The following ATP6V0D2 variants were observed in gnomAD, a reference collection of about 807,000 sequenced individuals.
The protein encoded by ATP6V0D2 is V-type proton ATPase subunit d 2.
Under a neutral mutation model 40.0 loss-of-function variants are expected in ATP6V0D2, and 40 were observed. That is an observed-to-expected ratio of 1.00 (90% CI 0.78 to 1.30). The LOEUF (loss-of-function observed/expected upper bound fraction) is 1.30, where lower values mean the gene tolerates loss of function less well. Among genes scored for constraint, ATP6V0D2 ranks in the 50% most tolerant of loss-of-function variants. ATP6V0D2 has a pLI of 0.00. For missense variants in ATP6V0D2, 470 were observed against 423.1 expected (o/e 1.11, Z -0.97); for synonymous variants, 179 against 156.3 (o/e 1.15, Z -1.08).
At chr8:86,111,599 C>T (rs972154820) in intron 1 of ATP6V0D2, among the ~76,000 whole-genome samples, 4 of 152,102 alleles carry the variant, frequency 2.6e-5, no homozygotes, top group Admixed American at 6.6e-5. Flanking sequence ...TGGATATATA[C>T]CCAGTAGTGA....
chr8:86,121,759 C>T (rs1376303614), intron 2 of ATP6V0D2, among the ~76,000 whole-genome samples: 9 of 152,172 alleles, frequency 5.9e-5, no homozygotes, highest in Non-Finnish European at 1.3e-4. Flanking sequence ...TCGAGGGTCT[C>T]TCTAGCACCC....
chr8:86,104,753 T>A (rs1336685185), intron 1 of ATP6V0D2, among the ~76,000 whole-genome samples: 1 of 152,044 alleles, frequency 6.6e-6, no homozygotes, highest in Non-Finnish European at 1.5e-5. Flanking sequence ...AAGAGCTTTC[T>A]CTTTGCTTCC....
intron 5 of ATP6V0D2, 33 bp downstream of exon 5, chr8:86,142,987 A>G (rs1160771767): frequency 6.9e-7 from 1 of 1,442,778 alleles, no homozygotes; most frequent in Non-Finnish European, 9.6e-7. Context: ...TGTTATGCTA[A>G]ATAAGGTGCT....
intron 1 of ATP6V0D2, 40 bp downstream of exon 1, chr8:86,099,148 A>C: frequency 1.3e-6 from 2 of 1,560,122 alleles, no homozygotes; most frequent in Non-Finnish European, 1.7e-6. Context: ...AGAAAAAAAA[A>C]AAAATGAAAT....
chr8:86,150,573 A>G (rs1306261195), intron 6 of ATP6V0D2, among the ~76,000 whole-genome samples: 6 of 152,104 alleles, frequency 3.9e-5, no homozygotes, highest in Admixed American at 3.9e-4. Flanking sequence ...AAGTTCCCCC[A>G]GGAGACTGGT....
In ATP6V0D2 at chr8:86,126,252, ATATATATATATC is replaced by A. The variant is rs1419536179; in HGVS notation, c.302+12374_302+12385del. ...GTGCTCAGCCTATATATATATATAT[ATATATATATATC>A]TTTTTGTATATAGTATAAAGTTCAG... On this transcript the variant is annotated intron_variant, in intron 2 of 7. Transcript: ENST00000285393. Among the ~76,000 whole-genome samples the A allele has an allele frequency of 5.2e-5, 7 of 135,830 alleles. 1 individual carries two copies. The highest frequency in any genetic ancestry group is 1.8e-4 in the African/African-American group (7 of 38,646). The allele number at this position is 135,830 out of a possible 152,430, so 89.1% of individuals were successfully genotyped here. A position where few individuals can be genotyped will look rare whatever the true frequency, so the allele number is the denominator to read the frequency against.
intron 2 of ATP6V0D2, among the ~76,000 whole-genome samples, chr8:86,126,274 A>G (rs1427289400): frequency 7.2e-6 from 1 of 139,648 alleles, no homozygotes; most frequent in Non-Finnish European, 1.6e-5. Context: ...CTTTTTGTAT[A>G]TAGTATAAAG....
At chr8:86,117,820 G>C (rs960907015) in intron 2 of ATP6V0D2, among the ~76,000 whole-genome samples, 2 of 152,130 alleles carry the variant, frequency 1.3e-5, no homozygotes, top group Non-Finnish European at 2.9e-5. Context: ...TAGATGGGAA[G>C]GTTGTTCCAT....
intron 1 of ATP6V0D2, among the ~76,000 whole-genome samples, chr8:86,105,906 G>A (rs1282108253): frequency 6.6e-6 from 1 of 151,896 alleles, no homozygotes; most frequent in Non-Finnish European, 1.5e-5. Context: ...GAGCCACTGT[G>A]CCTGGCTGCC....
intron 2 of ATP6V0D2, among the ~76,000 whole-genome samples, chr8:86,124,332 A>G (rs1818711546): frequency 6.6e-6 from 1 of 152,212 alleles, no homozygotes; most frequent in African/African-American, 2.4e-5. Context: ...AATCAGCATA[A>G]CAGTAAGTGA....
At chr8:86,137,204 G>C (rs1038362417) in intron 2 of ATP6V0D2, among the ~76,000 whole-genome samples, 1 of 152,042 alleles carries the variant, frequency 6.6e-6, no homozygotes, top group African/African-American at 2.4e-5. Flanking sequence ...TCCACTGAAG[G>C]CGTTTTCATT....
chr8:86,149,761 C>T (rs1056656510), intron 5 of ATP6V0D2, among the ~76,000 whole-genome samples: 11 of 152,106 alleles, frequency 7.2e-5, no homozygotes, highest in Non-Finnish European at 1.5e-4. Context: ...CTGAATGAAC[C>T]CTAAGAAATA....
chr8:86,115,358 A>ATTTTTTTTTTTTTTTTTTTTTTTTT (rs564384965), intron 2 of ATP6V0D2, among the ~76,000 whole-genome samples: 1 of 73,284 alleles, frequency 1.4e-5, no homozygotes, highest in Admixed American at 2.0e-4. Flanking sequence ...CGTATCATCC[A>ATTTTTTTTTTTTTTTTTTTTTTTTT]TTTTTTTTTT....
At chr8:86,111,989 T>A (rs139794872) in intron 1 of ATP6V0D2, among the ~76,000 whole-genome samples, 320 of 152,304 alleles carry the variant, frequency 2.1e-3, no homozygotes, top group African/African-American at 7.3e-3. Flanking sequence ...TATCTTTGGG[T>A]CTCCTGTAGT....
intron 2 of ATP6V0D2, among the ~76,000 whole-genome samples, chr8:86,128,750 A>C (rs2130257335): frequency 6.6e-6 from 1 of 152,340 alleles, no homozygotes; most frequent in African/African-American, 2.4e-5. Flanking sequence ...AATAGGTGTA[A>C]ATCAGACTTG....
chr8:86,109,818 C>T (rs375764087), intron 1 of ATP6V0D2, among the ~76,000 whole-genome samples: 1 of 152,112 alleles, frequency 6.6e-6, no homozygotes, highest in African/African-American at 2.4e-5. Context: ...ACAGCATTTA[C>T]GATGCAAAAT....
intron 5 of ATP6V0D2, among the ~76,000 whole-genome samples, chr8:86,146,781 A>T (rs560833993): frequency 1.8e-4 from 27 of 152,350 alleles, no homozygotes; most frequent in African/African-American, 5.3e-4. Flanking sequence ...ATTTATAATT[A>T]TATGATCAAA....
At chr8:86,100,744 G>T (rs1430294905) in intron 1 of ATP6V0D2, among the ~76,000 whole-genome samples, 1 of 151,930 alleles carries the variant, frequency 6.6e-6, no homozygotes, top group African/African-American at 2.4e-5. Flanking sequence ...CTGACTAAGT[G>T]TTTCTGAGAG....
chr8:86,133,316 C>CTTTTT (rs1242479597), intron 2 of ATP6V0D2, among the ~76,000 whole-genome samples: 54 of 77,300 alleles, frequency 7.0e-4, no homozygotes, highest in Admixed American at 8.6e-4. Context: ...AACAGAAAGT[C>CTTTTT]TTTTTTTTTT....
Sources: allele counts gnomAD v4.1 joint callset (sites outside exome capture counted in the v4.1 genomes callset), GRCh38; gene constraint gnomAD v4.1.1; transcripts MANE v1.5; gene names NCBI Gene and HGNC (gene_info 2026-07-23, HGNC 2026-07-21).